Variants in PHACTR1 observed in about 807,000 individuals in gnomAD.
The protein encoded by PHACTR1 is phosphatase and actin regulator 1.
Under a neutral mutation model 69.2 loss-of-function variants are expected in PHACTR1, and 16 were observed. That is an observed-to-expected ratio of 0.23 (90% CI 0.16 to 0.35). The LOEUF (loss-of-function observed/expected upper bound fraction) is 0.35. Among genes scored for constraint, PHACTR1 ranks in the 10% least tolerant of loss-of-function variants. The probability of loss-of-function intolerance (pLI) is 1.00; values close to 1 mark genes in which losing one functional copy is unlikely to be tolerated. For synonymous variants in PHACTR1, 312 were observed against 284.5 expected, an observed-to-expected ratio of 1.10 and a Z score of -0.97; for missense variants, 510 against 734.7, an observed-to-expected ratio of 0.69 and a Z score of 3.54.
intron 8 of PHACTR1, among the ~76,000 whole-genome samples, chr6:13,225,294 C>T (rs1272065997): frequency 6.6e-6 from 1 of 152,166 alleles, no homozygotes; most frequent in Non-Finnish European, 1.5e-5. Context: ...GAAAATTAGG[C>T]ATTCAAGCAC....
intron 8 of PHACTR1, among the ~76,000 whole-genome samples, chr6:13,224,946 C>T (rs144590080): frequency 5.9e-5 from 9 of 152,268 alleles, no homozygotes; most frequent in East Asian, 1.9e-4. Context: ...TGTCAACAGG[C>T]GACTTCACAT....
chr6:13,141,636 C>T (rs571558082), intron 5 of PHACTR1, among the ~76,000 whole-genome samples: 2 of 151,798 alleles, frequency 1.3e-5, no homozygotes, highest in African/African-American at 2.4e-5. Context: ...AGATCAAGAA[C>T]GCTTCAACTA....
At chr6:13,232,664 A>G (rs1254276543) in intron 10 of PHACTR1, among the ~76,000 whole-genome samples, 1 of 152,056 alleles carries the variant, frequency 6.6e-6, no homozygotes, top group Non-Finnish European at 1.5e-5. Flanking sequence ...CATCCCCCAT[A>G]ACATGGCATG....
chr6:12,812,569 C>G (rs1042081492), intron 4 of PHACTR1, among the ~76,000 whole-genome samples: 18 of 152,156 alleles, frequency 1.2e-4, no homozygotes, highest in Non-Finnish European at 2.6e-4. Context: ...GACCCCAAGC[C>G]CAGTGTTTCT....
chr6:12,990,607 A>G (rs1348908238), intron 4 of PHACTR1, among the ~76,000 whole-genome samples: 1 of 152,228 alleles, frequency 6.6e-6, no homozygotes. Context: ...TTGTAAATTT[A>G]GCAAATGTAT....
At chr6:12,829,541 G>A (rs1013985990) in intron 4 of PHACTR1, among the ~76,000 whole-genome samples, 4 of 152,154 alleles carry the variant, frequency 2.6e-5, no homozygotes, top group Non-Finnish European at 4.4e-5. Context: ...TTAGTGGCTT[G>A]GAGTATGGAA....
chr6:13,042,983 C>T (rs1804423860), intron 4 of PHACTR1, among the ~76,000 whole-genome samples: 1 of 152,154 alleles, frequency 6.6e-6, no homozygotes, highest in Admixed American at 6.5e-5. Context: ...TTTATTACTT[C>T]GTGTAAGGAA....
At chr6:12,999,363 G>A (rs1797815911) in intron 4 of PHACTR1, among the ~76,000 whole-genome samples, 1 of 152,212 alleles carries the variant, frequency 6.6e-6, no homozygotes, top group Non-Finnish European at 1.5e-5. Context: ...ACTTTGGGAG[G>A]CCAGGGTGGG....
intron 5 of PHACTR1, among the ~76,000 whole-genome samples, chr6:13,060,793 A>G (rs187732104): frequency 2.0e-5 from 3 of 149,204 alleles, no homozygotes; most frequent in African/African-American, 7.4e-5. Flanking sequence ...GACTTTTTTC[A>G]TTGGCTTTTG....
At chr6:12,809,000 C>A (rs770251994) in intron 4 of PHACTR1, among the ~76,000 whole-genome samples, 40 of 152,174 alleles carry the variant, frequency 2.6e-4, no homozygotes, top group Middle Eastern at 3.4e-3. Context: ...ACTTCAGCCT[C>A]CTGGGTAGCT....
chr6:12,992,997 A>G (rs1432354079), intron 4 of PHACTR1, among the ~76,000 whole-genome samples: 4 of 152,088 alleles, frequency 2.6e-5, no homozygotes, highest in Non-Finnish European at 5.9e-5. Flanking sequence ...TACTGCACAC[A>G]TGGTTGACAA....
rs140422217 is a variant in PHACTR1, at chr6:12,931,158, G to T, written c.251-122207G>T. Reference sequence around the variant, plus strand: ...AATTTGCTTTTCTGTCACATTAATAGCCTGGAAGAGAGTGGTCCAGTGCCA... The same window carrying T: ...AATTTGCTTTTCTGTCACATTAATATCCTGGAAGAGAGTGGTCCAGTGCCA... On this transcript the variant is annotated intron_variant, in intron 4 of 14. Coordinates refer to ENST00000332995, the MANE Select transcript of PHACTR1 (RefSeq NM_030948.6). Among the ~76,000 whole-genome samples the T allele has an allele frequency of 4.1e-3, 627 of 152,246 alleles. 3 individuals are homozygous for T. The highest frequency in any genetic ancestry group is 0.014 in the African/African-American group (585 of 41,548).
chr6:12,734,351 T>C (rs1411264326), intron 3 of PHACTR1, among the ~76,000 whole-genome samples: 2 of 152,170 alleles, frequency 1.3e-5, no homozygotes, highest in Non-Finnish European at 2.9e-5. Context: ...CTAGTAATAA[T>C]AGTCTTAACA....
chr6:13,278,361 A>G (rs1779386532), intron 12 of PHACTR1, 32 bp downstream of exon 12: 1 of 1,568,846 alleles, frequency 6.4e-7, no homozygotes, highest in Non-Finnish European at 8.6e-7. Flanking sequence ...GAGCTGGGAC[A>G]GGAGAGGGTG....
chr6:13,095,249 C>T (rs1036637676), intron 5 of PHACTR1, among the ~76,000 whole-genome samples: 1 of 152,200 alleles, frequency 6.6e-6, no homozygotes, highest in Non-Finnish European at 1.5e-5. Flanking sequence ...CAATGTCACT[C>T]CTAAGAGAGG....
chr6:13,119,357 A>G (rs1818341821), intron 5 of PHACTR1, among the ~76,000 whole-genome samples: 1 of 152,186 alleles, frequency 6.6e-6, no homozygotes, highest in Non-Finnish European at 1.5e-5. Flanking sequence ...AAGTTTACCA[A>G]TTTCATGATA....
chr6:13,100,881 A>G (rs781591591), intron 5 of PHACTR1, among the ~76,000 whole-genome samples: 4 of 152,202 alleles, frequency 2.6e-5, no homozygotes, highest in Admixed American at 6.5e-5. Flanking sequence ...CCAGATTGCA[A>G]TTTCAATGAC....
At chr6:12,787,951 G>T (rs980975276) in intron 4 of PHACTR1, among the ~76,000 whole-genome samples, 1 of 152,176 alleles carries the variant, frequency 6.6e-6, no homozygotes, top group Admixed American at 6.5e-5. Flanking sequence ...GAGGTCAGGA[G>T]TACGAGACCA....
chr6:12,780,262 T>C (rs1213554542), intron 4 of PHACTR1, among the ~76,000 whole-genome samples: 2 of 150,074 alleles, frequency 1.3e-5, no homozygotes, highest in Non-Finnish European at 3.0e-5. Flanking sequence ...TGTGTGTGTG[T>C]GTGTGTGTGT....
Sources: gnomAD v4.1 joint callset for allele counts (sites outside exome capture counted in the v4.1 genomes callset) on GRCh38, gnomAD v4.1.1 for gene constraint, MANE v1.5 for transcripts, NCBI Gene and HGNC (gene_info 2026-07-23, HGNC 2026-07-21) for gene names.